Variants in DENND5B observed in about 807,000 individuals in gnomAD.
DENND5B encodes DENN domain containing 5B, also known as DENN domain-containing protein 5B.
A neutral mutation model predicts 140.6 loss-of-function variants in DENND5B; 34 were observed. The observed-to-expected ratio is 0.24, with a 90% CI of 0.18 to 0.32. The LOEUF (loss-of-function observed/expected upper bound fraction) is 0.32. Ranked by LOEUF, DENND5B falls within the 10% of genes least tolerant of loss-of-function variation. DENND5B has a pLI of 1.00. For missense variants in DENND5B, 1,142 were observed against 1,560.2 expected, an observed-to-expected ratio of 0.73 and a Z score of 4.52; for synonymous variants, 551 against 562.1, an observed-to-expected ratio of 0.98 and a Z score of 0.28.
At chr12:31,583,074 A>G (rs1035240242) in intron 1 of DENND5B, among the ~76,000 whole-genome samples, 1 of 152,134 alleles carries the variant, frequency 6.6e-6, no homozygotes, top group East Asian at 1.9e-4. Flanking sequence ...TGGGTGGATC[A>G]CAAGGTCAGG....
At chr12:31,556,456 C>A (rs111358640) in intron 1 of DENND5B, among the ~76,000 whole-genome samples, 5 of 152,192 alleles carry the variant, frequency 3.3e-5, no homozygotes, top group African/African-American at 1.2e-4. Context: ...CTTGCCTCGG[C>A]CTCCCAAAGT....
At chr12:31,404,385 C>G (rs1461773189) in intron 14 of DENND5B, among the ~76,000 whole-genome samples, 1 of 152,210 alleles carries the variant, frequency 6.6e-6, no homozygotes. Flanking sequence ...CAGCCCTGAT[C>G]TCTGGGGCTC....
chr12:31,385,395 G>A lies in DENND5B; in HGVS notation c.*2208C>T, dbSNP rs1593023243. ...CATCCACAAAGTAAGAAGGCTGGAT[G>A]AGGTGTGTCAATCCTAGCACATTAA... On this transcript the variant is annotated 3_prime_UTR_variant, in exon 21 of 21. Transcript: ENST00000389082. 1 of 152,282 alleles carries A rather than the reference G, an allele frequency of 6.6e-6. No homozygotes were observed. Among genetic ancestry groups the A allele is most frequent in the South Asian group, 2.1e-4 (1 of 4,804 alleles). 9.4% of individuals were successfully genotyped at this position (152,282 alleles called of 1,614,324 possible).
chr12:31,570,175 G>A (rs1949769128), intron 1 of DENND5B, among the ~76,000 whole-genome samples: 2 of 150,592 alleles, frequency 1.3e-5, no homozygotes, highest in Admixed American at 1.3e-4. Context: ...CAGCCTGGGT[G>A]ACACAGCAAT....
intron 7 of DENND5B, among the ~76,000 whole-genome samples, chr12:31,436,524 T>G (rs910572207): frequency 1.3e-5 from 2 of 152,132 alleles, no homozygotes; most frequent in African/African-American, 4.8e-5. Flanking sequence ...TTTCTACTTT[T>G]AAGCTCCTGC....
intron 5 of DENND5B, among the ~76,000 whole-genome samples, chr12:31,448,156 T>C (rs912228729): frequency 4.6e-5 from 7 of 151,966 alleles, no homozygotes; most frequent in South Asian, 4.1e-4. Flanking sequence ...TTCTTTGAGA[T>C]GGAGTCTCGC....
chr12:31,558,570 T>C (rs1949374335), intron 1 of DENND5B, among the ~76,000 whole-genome samples: 1 of 152,240 alleles, frequency 6.6e-6, no homozygotes, highest in African/African-American at 2.4e-5. Flanking sequence ...AAGTTTATTC[T>C]GACCTATGCA....
chr12:31,508,297 A>C (rs941818429), intron 1 of DENND5B, among the ~76,000 whole-genome samples: 2 of 152,176 alleles, frequency 1.3e-5, no homozygotes, highest in African/African-American at 4.8e-5. Context: ...TCACCAAAAA[A>C]ATTTTTATAA....
At chr12:31,546,430 T>G (rs1023800749) in intron 1 of DENND5B, among the ~76,000 whole-genome samples, 1 of 152,134 alleles carries the variant, frequency 6.6e-6, no homozygotes, top group Non-Finnish European at 1.5e-5. Flanking sequence ...CTCACACCTG[T>G]AATCCCAGCA....
rs542918842 is a variant in DENND5B, at chr12:31,471,143, C to T, written c.904+8446G>A. Reference sequence around the variant, plus strand: ...AAGCTCAGATTTCTGCTGGTCAGGGCGTGACAACTAGCCTCAAAGCCACTC... The same window carrying T: ...AAGCTCAGATTTCTGCTGGTCAGGGTGTGACAACTAGCCTCAAAGCCACTC... On this transcript the variant is annotated intron_variant, in intron 3 of 20. Coordinates refer to ENST00000389082, the MANE Select transcript of DENND5B (RefSeq NM_144973.4). Among the ~76,000 whole-genome samples the T allele has an allele frequency of 4.0e-5, 6 of 150,326 alleles. No individual in the cohort carries two copies. The East Asian group carries it at 5.8e-4, about 15-fold the overall frequency.
intron 1 of DENND5B, among the ~76,000 whole-genome samples, chr12:31,532,556 T>C (rs370000917): frequency 1.3e-5 from 2 of 152,138 alleles, no homozygotes; most frequent in Non-Finnish European, 2.9e-5. Context: ...AGGATAGACC[T>C]GTGAGAAAAT....
chr12:31,483,953 C>T (rs1262538087), intron 2 of DENND5B, among the ~76,000 whole-genome samples: 1 of 150,894 alleles, frequency 6.6e-6, no homozygotes, highest in African/African-American at 2.4e-5. Flanking sequence ...CAACCTCCGC[C>T]TCCCAGGTTC....
intron 3 of DENND5B, among the ~76,000 whole-genome samples, chr12:31,460,733 T>C (rs565887106): frequency 1.3e-5 from 2 of 152,290 alleles, no homozygotes; most frequent in South Asian, 2.1e-4. Context: ...TGTAACATTG[T>C]TATTATTTTT....
rs55808642 is a variant in DENND5B at position 31,405,511 on chromosome 12, C to CATGTATGTATGTATGT, written c.2804-2884_2804-2869dup. ...AAGACTACCGGCATGAGCCACCTGC[C>CATGTATGTATGTATGT]ATGTATGTATGTATGTATGTATGTA... On this transcript the variant is annotated intron_variant, in intron 14 of 20. Transcript: ENST00000389082. 4.1e-4 allele frequency among the ~76,000 whole-genome samples: 60 copies of CATGTATGTATGTATGT among 144,704 alleles called. No homozygotes were observed. In the East Asian group the frequency reaches 5.0e-3, roughly 12 times the overall value. The allele number at this position is 144,704 out of a possible 152,430, so 94.9% of individuals were successfully genotyped here.
At chr12:31,578,328 A>T (rs1272241018) in intron 1 of DENND5B, among the ~76,000 whole-genome samples, 1 of 152,188 alleles carries the variant, frequency 6.6e-6, no homozygotes, top group Non-Finnish European at 1.5e-5. Context: ...GTTGAGACAC[A>T]CACTCCCATG....
intron 1 of DENND5B, among the ~76,000 whole-genome samples, chr12:31,552,587 T>A (rs1195098724): frequency 6.6e-6 from 1 of 152,198 alleles, no homozygotes; most frequent in Non-Finnish European, 1.5e-5. Context: ...TAAAAAGAGT[T>A]AGGGAGGATA....
chr12:31,562,601 C>A (rs997399341), intron 1 of DENND5B, among the ~76,000 whole-genome samples: 1 of 149,702 alleles, frequency 6.7e-6, no homozygotes, highest in Non-Finnish European at 1.5e-5. Flanking sequence ...GCAACAAAGG[C>A]GAAACTCTGT....
intron 3 of DENND5B, among the ~76,000 whole-genome samples, chr12:31,470,982 G>A (rs1945530855): frequency 6.6e-6 from 1 of 152,174 alleles, no homozygotes; most frequent in Admixed American, 6.5e-5. Context: ...CACCTCCCAG[G>A]GAGTGGGATT....
intron 2 of DENND5B, among the ~76,000 whole-genome samples, chr12:31,484,532 G>A (rs576269804): frequency 1.1e-4 from 16 of 152,246 alleles, no homozygotes; most frequent in African/African-American, 3.4e-4. Context: ...AGCCAGGTGC[G>A]GTGGCTCATG....
Sources: allele counts gnomAD v4.1 joint callset (sites outside exome capture counted in the v4.1 genomes callset), GRCh38; gene constraint gnomAD v4.1.1; transcripts MANE v1.5; gene names NCBI Gene and HGNC (gene_info 2026-07-23, HGNC 2026-07-21).